Variants in CD109 observed in about 807,000 individuals in gnomAD.
CD109 encodes the protein CD109 molecule.
CD109 carries 149 observed loss-of-function variants against 165.8 expected under a neutral mutation model. The observed-to-expected ratio is 0.90, with a 90% CI of 0.79 to 1.03. CD109 has a LOEUF of 1.03. Among genes scored for constraint, CD109 ranks in the 50% least tolerant of loss-of-function variants. The pLI is 0.00. For synonymous variants in CD109, 585 were observed against 592.1 expected (o/e 0.99, Z 0.18); for missense variants, 1,712 against 1,677.8 (o/e 1.02, Z -0.36).
At chr6:73,792,535 G>A (rs1162932312) in intron 22 of CD109, 91 bp from the exon 23 acceptor site, 1 of 1,041,682 alleles carries the variant, frequency 9.6e-7, no homozygotes, top group East Asian at 2.4e-5. Context: ...CAATGACAGA[G>A]GTCTTCTGTA....
intron 2 of CD109, among the ~76,000 whole-genome samples, chr6:73,712,496 T>G (rs186147281): frequency 4.6e-4 from 70 of 152,288 alleles, no homozygotes; most frequent in Non-Finnish European, 4.6e-4. Context: ...TAGAGAGTAT[T>G]TCTGTACCTA....
At chr6:73,691,826 T>C (rs555184057), upstream of CD109, among the ~76,000 whole-genome samples, 21 of 152,318 alleles carry the variant, frequency 1.4e-4, no homozygotes, top group African/African-American at 4.6e-4. Context: ...TGCATTGCTA[T>C]AAAGTAACAC....
At chr6:73,731,104 T>C (rs997696207) in intron 4 of CD109, among the ~76,000 whole-genome samples, 1 of 152,050 alleles carries the variant, frequency 6.6e-6, no homozygotes, top group African/African-American at 2.4e-5. Flanking sequence ...TGGAGTGCAA[T>C]GGCACGATCT....
intron 2 of CD109, among the ~76,000 whole-genome samples, chr6:73,699,236 T>TA (rs545376750): frequency 8.4e-4 from 128 of 152,212 alleles, no homozygotes; most frequent in Middle Eastern, 6.8e-3. Context: ...GGGAGGGTAT[T>TA]AAAAAACCAC....
chr6:73,771,786 C>T (rs927214784), intron 15 of CD109, among the ~76,000 whole-genome samples: 3 of 152,192 alleles, frequency 2.0e-5, no homozygotes, highest in Non-Finnish European at 4.4e-5. Flanking sequence ...TGTCCTTGCT[C>T]TCTTTCATCA....
intron 2 of CD109, among the ~76,000 whole-genome samples, chr6:73,709,260 C>T (rs1434437673): frequency 6.6e-6 from 1 of 152,160 alleles, no homozygotes; most frequent in Non-Finnish European, 1.5e-5. Context: ...AATAGGGAAT[C>T]CTTTCCCCAT....
intron 2 of CD109, among the ~76,000 whole-genome samples, chr6:73,701,283 C>T (rs941864355): frequency 7.2e-5 from 11 of 152,144 alleles, no homozygotes; most frequent in Admixed American, 6.5e-4. Context: ...CCATCAGCTC[C>T]ATAGTGATTA....
chr6:73,812,251 T>G lies in CD109; in HGVS notation c.3749T>G (p.Phe1250Cys), dbSNP rs758815010. The G allele has an allele frequency of 6.2e-7, 1 of 1,608,784 alleles. No individual in the cohort carries two copies. Among genetic ancestry groups the G allele is most frequent in the Admixed American group, 1.7e-5 (1 of 59,712 alleles). The change falls in exon 29 of 33, where the codon TTT (phenylalanine) becomes TGT (cysteine). Residue 1250 changes from phenylalanine (F) to cysteine (C), a missense_variant. Phe to Cys is a radical substitution (Grantham distance 205, BLOSUM62 -2). Coordinates refer to ENST00000287097, the MANE Select transcript of CD109 (RefSeq NM_133493.5). The part of the protein sequence containing the change: ...PTAVNISANG[F>C]GFAICQLNVV... ...GCAGTTAATATTTCCGCAAATGGTT[T>G]TGGATTTGCTATTTGTCAGGTATGT...
At chr6:73,704,114 G>A (rs1271233903) in intron 2 of CD109, among the ~76,000 whole-genome samples, 2 of 151,536 alleles carry the variant, frequency 1.3e-5, no homozygotes, top group African/African-American at 2.4e-5. Flanking sequence ...GAACCCAGGA[G>A]GCAGAGGCTG....
chr6:73,761,289 G>T (rs955048191), intron 7 of CD109, among the ~76,000 whole-genome samples: 1 of 152,042 alleles, frequency 6.6e-6, no homozygotes. Context: ...GCGAAGTTTC[G>T]TGGGCATTCA....
At chr6:73,758,802 C>G in intron 6 of CD109, 142 bp from the exon 7 acceptor site, 4 of 655,136 alleles carry the variant, frequency 6.1e-6, no homozygotes, top group Non-Finnish European at 1.1e-5. Flanking sequence ...TCAAATAGTA[C>G]AAATTATTAA....
chr6:73,810,917 A>C, intron 27 of CD109, 75 bp from the exon 28 acceptor site: 2 of 1,436,958 alleles, frequency 1.4e-6, no homozygotes, highest in Non-Finnish European at 1.9e-6. Context: ...ATCCAGCAAC[A>C]AAATACTACT....
intron 4 of CD109, among the ~76,000 whole-genome samples, chr6:73,735,910 A>T (rs1427173082): frequency 6.6e-6 from 1 of 152,174 alleles, no homozygotes; most frequent in Non-Finnish European, 1.5e-5. Context: ...CTCTACAGTT[A>T]AATTTTCTTT....
At chr6:73,683,806 G>A in the CD109 span, among the ~76,000 whole-genome samples, 2 of 152,226 alleles carry the variant, frequency 1.3e-5, no homozygotes, top group African/African-American at 4.8e-5. Context: ...CAGGCAAAGA[G>A]AGAGAGCTTG....
intron 24 of CD109, among the ~76,000 whole-genome samples, chr6:73,805,574 C>A (rs966429176): frequency 6.6e-6 from 1 of 152,180 alleles, no homozygotes; most frequent in Admixed American, 6.5e-5. Flanking sequence ...AGACCCTTTA[C>A]GGGTGTTGGG....
chr6:73,792,727 A>C lies in CD109; in HGVS notation c.2803A>C (p.Ile935Leu), dbSNP rs149958934. The stretch of plus-strand genomic sequence containing the variant: ...GATAAATTTTGCTCCAAATATTTAC[A>C]TTTTGGATTATCTGACTAAAAAGAA... ...NMINFAPNIYILDYLTKKKQL... is the reference protein window; with the variant it reads ...NMINFAPNIYLLDYLTKKKQL... Residue 935 changes from isoleucine (I) to leucine (L), a missense_variant, in exon 23 of 33, where the codon ATT becomes CTT. By Grantham distance (5) the Ile-to-Leu change is conservative. Transcript: ENST00000287097. 3.7e-6 allele frequency: 6 copies of C among 1,611,886 alleles called. No individual in the cohort carries two copies. The highest frequency in any genetic ancestry group is 5.1e-6 in the Non-Finnish European group (6 of 1,179,054).
intron 15 of CD109, among the ~76,000 whole-genome samples, chr6:73,776,125 C>T (rs1291162366): frequency 6.6e-6 from 1 of 152,192 alleles, no homozygotes; most frequent in Non-Finnish European, 1.5e-5. Flanking sequence ...AATTAATTAA[C>T]ACTCCTACCG....
intron 22 of CD109, among the ~76,000 whole-genome samples, chr6:73,791,802 C>T (rs1774982422): frequency 6.6e-6 from 1 of 152,118 alleles, no homozygotes; most frequent in Non-Finnish European, 1.5e-5. Flanking sequence ...GCTATACTGG[C>T]ACAGCTTCAG....
chr6:73,740,230 T>G (rs1256682147), intron 5 of CD109, among the ~76,000 whole-genome samples: 1 of 152,170 alleles, frequency 6.6e-6, no homozygotes. Context: ...TATGGAATGA[T>G]ATGAGTATTC....
Sources: allele counts gnomAD v4.1 joint callset (sites outside exome capture counted in the v4.1 genomes callset), GRCh38; gene constraint gnomAD v4.1.1; transcripts MANE v1.5; gene names NCBI Gene and HGNC (gene_info 2026-07-23, HGNC 2026-07-21).